Variants in FRMD5 observed in about 807,000 individuals in gnomAD.
FRMD5 encodes the protein FERM domain-containing protein 5.
In FRMD5, 20 loss-of-function variants were observed where a neutral mutation model predicts 69.0. The ratio of observed to expected loss-of-function variants is 0.29; its 90% CI spans 0.20 to 0.42. The LOEUF (loss-of-function observed/expected upper bound fraction) is 0.42. Among genes scored for constraint, FRMD5 ranks in the 10% least tolerant of loss-of-function variants. The pLI, the probability that FRMD5 is intolerant of heterozygous loss-of-function variation, is 1.00. For synonymous variants in FRMD5, 271 were observed against 260.1 expected, an observed-to-expected ratio of 1.04 and a Z score of -0.40; for missense variants, 595 against 708.6, an observed-to-expected ratio of 0.84 and a Z score of 1.82.
At chr15:44,013,297 C>G (rs6493093) in intron 1 of FRMD5, among the ~76,000 whole-genome samples, 136,939 of 152,174 alleles carry the variant, frequency 0.9, 62,210 homozygotes, top group East Asian at 1. Flanking sequence ...GGAGGCTAAG[C>G]TGAGAGGCTC....
At chr15:44,184,643 T>C (rs981887860) in intron 1 of FRMD5, among the ~76,000 whole-genome samples, 3 of 152,074 alleles carry the variant, frequency 2.0e-5, no homozygotes, top group Non-Finnish European at 4.4e-5. Context: ...GATAAAAGAC[T>C]CTATTAAATG....
At chr15:44,122,209 A>G (rs187567033) in intron 1 of FRMD5, among the ~76,000 whole-genome samples, 1 of 152,282 alleles carries the variant, frequency 6.6e-6, no homozygotes, top group East Asian at 1.9e-4. Context: ...CAAACTGTTA[A>G]TGGTAAAAGA....
chr15:44,142,861 TG>T (rs1480753458), intron 1 of FRMD5, among the ~76,000 whole-genome samples: 1 of 151,740 alleles, frequency 6.6e-6, no homozygotes, highest in Admixed American at 6.6e-5. Flanking sequence ...GAGGCCAAGG[TG>T]GGTGGATCAT....
intron 1 of FRMD5, among the ~76,000 whole-genome samples, chr15:44,032,591 T>C (rs1200904575): frequency 2.0e-5 from 3 of 151,994 alleles, no homozygotes; most frequent in Non-Finnish European, 4.4e-5. Flanking sequence ...CCAACAAGCA[T>C]ATGGAAAAAA....
chr15:43,885,855 C>G (rs1027655914), intron 10 of FRMD5, 100 bp from the exon 11 acceptor site: 4 of 936,242 alleles, frequency 4.3e-6, no homozygotes, highest in Non-Finnish European at 7.0e-6. Context: ...CTTGAAACTT[C>G]AGGAAAAAAG....
At chr15:44,115,407 C>T (rs2140614583) in intron 1 of FRMD5, among the ~76,000 whole-genome samples, 1 of 152,092 alleles carries the variant, frequency 6.6e-6, no homozygotes, top group East Asian at 1.9e-4. Context: ...GCAAAATAAA[C>T]TTAACATATT....
intron 1 of FRMD5, among the ~76,000 whole-genome samples, chr15:44,020,118 TATG>T (rs1482193449): frequency 5.9e-5 from 9 of 152,308 alleles, no homozygotes; most frequent in African/African-American, 2.2e-4. Flanking sequence ...CAGTATATGG[TATG>T]ATATCATATC....
Position 44,112,299 on chromosome 15 carries a change from T to C in FRMD5, c.102+82654A>G, listed in dbSNP as rs534543743. 2.2e-4 allele frequency among the ~76,000 whole-genome samples: 33 copies of C among 152,172 alleles called. 1 individual carries two copies. Among genetic ancestry groups the C allele is most frequent in the Non-Finnish European group, 3.4e-4 (23 of 68,018 alleles). On this transcript the variant is annotated intron_variant, in intron 1 of 13. Transcript: ENST00000417257. ...TTATTTAAAAATTCCTGTTATATGG[T>C]TTTAGAAATCATTTTAAGAGAATAA...
At chr15:44,005,471 C>CAAAAAAAAAAAAAAAAAAAAAAAAAA (rs55839205) in intron 1 of FRMD5, among the ~76,000 whole-genome samples, 1 of 69,456 alleles carries the variant, frequency 1.4e-5, no homozygotes, top group Non-Finnish European at 2.8e-5. Flanking sequence ...AACTCCATCT[C>CAAAAAAAAAAAAAAAAAAAAAAAAAA]AAAAAAAAAA....
At chr15:44,038,745 C>T (rs775340729) in intron 1 of FRMD5, among the ~76,000 whole-genome samples, 23 of 151,838 alleles carry the variant, frequency 1.5e-4, no homozygotes, top group East Asian at 3.9e-4. Flanking sequence ...CCGGGAAGCA[C>T]GAGGGGTCAG....
At chr15:43,993,230 G>C (rs1889767292) in intron 1 of FRMD5, among the ~76,000 whole-genome samples, 1 of 152,040 alleles carries the variant, frequency 6.6e-6, no homozygotes, top group Admixed American at 6.6e-5. Flanking sequence ...GTCTCATTCT[G>C]TTGCCAGGCT....
intron 7 of FRMD5, among the ~76,000 whole-genome samples, chr15:43,898,632 C>A (rs145491449): frequency 1.3e-5 from 2 of 152,354 alleles, no homozygotes; most frequent in Non-Finnish European, 2.9e-5. Context: ...AGTCTCAGGG[C>A]TACCTGGATG....
chr15:43,915,286 G>T (rs2089365718), intron 4 of FRMD5, among the ~76,000 whole-genome samples: 1 of 152,208 alleles, frequency 6.6e-6, no homozygotes, highest in Non-Finnish European at 1.5e-5. Context: ...GAATTGAGTA[G>T]TTGCGACAGA....
chr15:44,177,617 A>G (rs548248312), intron 1 of FRMD5, among the ~76,000 whole-genome samples: 158 of 152,290 alleles, frequency 1.0e-3, no homozygotes, highest in South Asian at 2.3e-3. Context: ...GGGGTGATAA[A>G]AATGTTTTAA....
intron 1 of FRMD5, among the ~76,000 whole-genome samples, chr15:44,186,140 T>C (rs2140587161): frequency 6.6e-6 from 1 of 152,260 alleles, no homozygotes; most frequent in Admixed American, 6.5e-5. Flanking sequence ...TTGGTCAGGC[T>C]GGTCTCAAAC....
intron 1 of FRMD5, among the ~76,000 whole-genome samples, chr15:44,169,467 G>A (rs745578736): frequency 1.6e-4 from 25 of 152,120 alleles, no homozygotes; most frequent in Non-Finnish European, 4.4e-5. Context: ...AGAGAGAAGT[G>A]AAGCTCCTAA....
intron 1 of FRMD5, among the ~76,000 whole-genome samples, chr15:44,121,542 G>C (rs1231403307): frequency 6.6e-6 from 1 of 151,968 alleles, no homozygotes; most frequent in East Asian, 1.9e-4. Flanking sequence ...AGTAGACAGA[G>C]TCTAATCACC....
In FRMD5 at chr15:44,195,043, C is replaced by A; in HGVS notation, c.12G>T (p.Arg4Ser). 1.3e-6 allele frequency: 2 copies of A among 1,546,722 alleles called. No homozygotes were observed. The highest frequency in any genetic ancestry group is 1.7e-6 in the Non-Finnish European group (2 of 1,151,744). ...GGCTCCTGCTGCTGCCGCTCATCAA[C>A]CTGCTCAGCATCTTCCCGCCCGCCC... is the stretch of plus-strand genomic sequence containing the variant. The part of the protein sequence containing the change: MLS[R>S]LMSGSSRSLE... Residue 4 changes from arginine to serine, a missense_variant, in exon 1 of 14, where the codon AGG becomes AGT. Arg to Ser is a moderately radical substitution (Grantham distance 110). This residue lies in a region of FRMD5 where 44 missense variants were observed against 33.6 expected (regional missense o/e 1.31). Coordinates refer to ENST00000417257, the MANE Select transcript of FRMD5 (RefSeq NM_032892.5).
intron 6 of FRMD5, among the ~76,000 whole-genome samples, chr15:43,902,689 C>A (rs1405402202): frequency 0.011 from 1,273 of 111,532 alleles, no homozygotes; most frequent in Middle Eastern, 0.016. Flanking sequence ...GACCCTGTCT[C>A]AAAAAAAAAA....
Sources: allele counts gnomAD v4.1 joint callset (sites outside exome capture counted in the v4.1 genomes callset), GRCh38; gene constraint gnomAD v4.1.1; regional missense constraint gnomAD v4.1.1; transcripts MANE v1.5; gene names NCBI Gene and HGNC (gene_info 2026-07-23, HGNC 2026-07-21).